CD22: variants seen among roughly 807,000 people sequenced by gnomAD.
CD22 encodes the protein CD22 molecule.
CD22 carries 51 observed loss-of-function variants against 94.7 expected under a neutral mutation model. The ratio of observed to expected loss-of-function variants is 0.54; its 90% CI spans 0.43 to 0.68. CD22 has a LOEUF of 0.68. Among genes scored for constraint, CD22 ranks in the 30% least tolerant of loss-of-function variants. The pLI is 0.00. For synonymous variants in CD22, 424 were observed against 422.5 expected (o/e 1.00, Z -0.04); for missense variants, 931 against 1,060.4 (o/e 0.88, Z 1.69).
At chr19:35,345,332 A>G in intron 11 of CD22, 1 of 585,934 alleles carries the variant, frequency 1.7e-6, no homozygotes, top group Non-Finnish European at 3.0e-6. Flanking sequence ...GAGGCAGGAG[A>G]ATCGCTTGAA....
chr19:35,340,648 G>A (rs149244842), intron 6 of CD22, among the ~76,000 whole-genome samples: 78 of 152,274 alleles, frequency 5.1e-4, no homozygotes, highest in African/African-American at 1.7e-3. Context: ...CTCAGCAGCC[G>A]TCTGGCTTCA....
Position 35,341,033 on chromosome 19 carries a change from G to C in CD22, c.1402G>C (p.Gly468Arg), listed in dbSNP as rs564242435. 1 of 1,614,228 alleles carries C rather than the reference G, an allele frequency of 6.2e-7. No individual in the cohort carries two copies. The highest frequency in any genetic ancestry group is 8.5e-7 in the Non-Finnish European group (1 of 1,180,040). Residue 468 changes from glycine (G) to arginine (R), a missense_variant, in exon 7 of 14, where the codon GGG becomes CGG. By Grantham distance (125) the Gly-to-Arg change is moderately radical. Transcript: ENST00000085219. The surrounding 1 kb of genome is among the most constrained non-coding windows in gnomAD (Gnocchi z 4.0). ...TGGCGCCTGGGAGGAGCCATCGCTT[G>C]GGGTGCTGAAGATCCAAAACGTTGG... is the stretch of plus-strand genomic sequence containing the variant. ...PHGAWEEPSL[G>R]VLKIQNVGWD...
At chr19:35,346,499 G>A in intron 13 of CD22, 67 bp from the exon 14 acceptor site, 7 of 1,554,920 alleles carry the variant, frequency 4.5e-6, no homozygotes, top group Non-Finnish European at 4.4e-6. Flanking sequence ...AGGAGAGAAT[G>A]CGGAGAAAAG....
Position 35,338,026 on chromosome 19 carries a change from G to A in CD22, c.985+5G>A. ...AAGTGTTCCTGCAAGTGCAGTGTGAGCCCCTCGGAGCTGGGGACAGGCCAG... is the reference window on the plus strand; with the variant it reads ...AAGTGTTCCTGCAAGTGCAGTGTGAACCCCTCGGAGCTGGGGACAGGCCAG... On this transcript the variant is annotated splice_donor_5th_base_variant and intron_variant, in intron 5 of 13. Transcript: ENST00000085219. 6.2e-7 allele frequency: 1 copy of A among 1,602,616 alleles called. No individual in the cohort carries two copies. Among genetic ancestry groups the A allele is most frequent in the South Asian group, 1.1e-5 (1 of 89,522 alleles).
At chr19:35,340,025 G>C (rs1425180265) in intron 6 of CD22, among the ~76,000 whole-genome samples, 4 of 152,118 alleles carry the variant, frequency 2.6e-5, no homozygotes, top group Admixed American at 6.5e-5. Context: ...AGTGAATCTT[G>C]TTACCATGTA....
chr19:35,332,116 T>C, intron 2 of CD22, 42 bp downstream of exon 2: 1 of 1,613,080 alleles, frequency 6.2e-7, no homozygotes, highest in East Asian at 2.2e-5. Flanking sequence ...TTCTGGGATG[T>C]CAGTGGGCAC....
At chr19:35,335,904 C>A in intron 3 of CD22, 132 bp from the exon 4 acceptor site, 1 of 715,448 alleles carries the variant, frequency 1.4e-6, no homozygotes, top group Non-Finnish European at 2.4e-6. Flanking sequence ...AAAAACAAAG[C>A]AGGACTGGAG....
chr19:35,341,578 GTCCAAGGCCTGGACAC>G lies in CD22; in HGVS notation c.1745_1760del (p.Ser582LeufsTer14). The stretch of plus-strand genomic sequence containing the variant: ...TGAACAACTCCATAGGACAGACAGC[GTCCAAGGCCTGGACAC>G]TTGAAGTGCTGTGTGAGTGAGGGCC... On this transcript the variant is annotated frameshift_variant, in exon 8 of 14. Transcript: ENST00000085219. LOFTEE classifies it high-confidence loss of function. This position sits in a 1 kb window ranked among gnomAD's most constrained non-coding sequence, Gnocchi z 4.0. The G allele has an allele frequency of 6.2e-7, 1 of 1,613,244 alleles. No individual in the cohort carries two copies. Among genetic ancestry groups the G allele is most frequent in the South Asian group, 1.1e-5 (1 of 91,074 alleles).
intron 6 of CD22, among the ~76,000 whole-genome samples, chr19:35,339,610 C>A (rs1409797984): frequency 1.3e-5 from 2 of 152,166 alleles, no homozygotes; most frequent in Admixed American, 6.5e-5. Flanking sequence ...AATCCCAGCA[C>A]TTTGGGAGGC....
chr19:35,339,909 C>T (rs2066782252), intron 6 of CD22, among the ~76,000 whole-genome samples: 1 of 152,152 alleles, frequency 6.6e-6, no homozygotes, highest in African/African-American at 2.4e-5. Flanking sequence ...GACACAGAGA[C>T]TTAGCGTCCC....
At chr19:35,330,507 T>C in intron 1 of CD22, 1 of 152,418 alleles carries the variant, frequency 6.6e-6, no homozygotes, top group Non-Finnish European at 1.5e-5. Context: ...AATTCATGCT[T>C]AGCCCAGGCC....
chr19:35,341,728 A>G lies in CD22; in HGVS notation c.1798A>G (p.Met600Val). 6.2e-7 allele frequency: 1 copy of G among 1,610,922 alleles called. No homozygotes were observed. The highest frequency in any genetic ancestry group is 8.5e-7 in the Non-Finnish European group (1 of 1,179,982). Reference sequence around the variant, plus strand: ...TGCACCCAGGAGGCTGCGTGTGTCCATGAGCCCGGGGGACCAAGTGATGGA... The same window carrying G: ...TGCACCCAGGAGGCTGCGTGTGTCCGTGAGCCCGGGGGACCAAGTGATGGA... ...LYAPRRLRVS[M>V]SPGDQVMEGK... Residue 600 changes from methionine (M) to valine (V), a missense_variant, in exon 9 of 14, where the codon ATG becomes GTG. Coordinates refer to ENST00000085219, the MANE Select transcript of CD22 (RefSeq NM_001771.4). This position sits in a 1 kb window ranked among gnomAD's most constrained non-coding sequence, Gnocchi z 4.0.
chr19:35,346,838 T>C lies in CD22; in HGVS notation c.*141T>C. 1.3e-6 allele frequency: 1 copy of C among 767,924 alleles called. No individual in the cohort carries two copies. The allele number at this position is 767,924 out of a possible 1,614,324, so 47.6% of individuals were successfully genotyped here. A position where few individuals can be genotyped will look rare whatever the true frequency, so the allele number is the denominator to read the frequency against. Reference sequence around the variant, plus strand: ...CACACGCACACACACACACACACACTCACTGCGGAGAACCTTGTGCCTGGC... The same window carrying C: ...CACACGCACACACACACACACACACCCACTGCGGAGAACCTTGTGCCTGGC... On this transcript the variant is annotated 3_prime_UTR_variant, in exon 14 of 14. Coordinates refer to ENST00000085219, the MANE Select transcript of CD22 (RefSeq NM_001771.4).
Position 35,337,009 on chromosome 19 carries a change from G to A in CD22, c.718+668G>A, listed in dbSNP as rs988151934. Among the ~76,000 whole-genome samples the A allele has an allele frequency of 6.6e-6, 1 of 152,120 alleles. No individual in the cohort carries two copies. The highest frequency in any genetic ancestry group is 1.5e-5 in the Non-Finnish European group (1 of 68,018). ...AATCCTAGCACTTTGGAAGGCCGAG[G>A]CGGGGGGATCACAAGGTCAGGAGAT... is the stretch of plus-strand genomic sequence containing the variant. On this transcript the variant is annotated intron_variant, in intron 4 of 13. Coordinates refer to ENST00000085219, the MANE Select transcript of CD22 (RefSeq NM_001771.4). This position sits in a 1 kb window ranked among gnomAD's most constrained non-coding sequence, Gnocchi z 4.4.
Position 35,345,708 on chromosome 19 carries a change from T to A in CD22, c.2315T>A (p.Ile772Lys). The A allele has an allele frequency of 1.4e-6, 2 of 1,480,364 alleles. No homozygotes were observed. The highest frequency in any genetic ancestry group is 1.9e-6 in the Non-Finnish European group (2 of 1,057,586). 91.7% of individuals were successfully genotyped at this position (1,480,364 alleles called of 1,614,324 possible). ...YTTLRFPEMN[I>K]PRTGDAESSE... is the part of the protein sequence containing the mutation. ...ACCCTGCGCTTTCCCGAGATGAACA[T>A]ACCACGAACTGGGTACTGAGGGTAC... is the stretch of plus-strand genomic sequence containing the variant. The change falls in exon 12 of 14, where the codon ATA (isoleucine) becomes AAA (lysine). Residue 772 changes from isoleucine to lysine, a missense_variant. Physicochemically the swap from Ile to Lys is moderately radical, Grantham distance 102. Transcript: ENST00000085219.
chr19:35,331,461 G>C (rs2066643474), intron 1 of CD22, among the ~76,000 whole-genome samples: 1 of 152,200 alleles, frequency 6.6e-6, no homozygotes, highest in Admixed American at 6.5e-5. Context: ...AAGCAAGCAA[G>C]GGAGGAAGGA....
intron 2 of CD22, 29 bp downstream of exon 2, chr19:35,332,103 G>T: frequency 6.2e-7 from 1 of 1,613,910 alleles, no homozygotes; most frequent in South Asian, 1.1e-5. Context: ...GCTAGTACTG[G>T]GGTTCTGGGA....
Position 35,341,106 on chromosome 19 carries a change from C to T in CD22, c.1475C>T (p.Ser492Leu), listed in dbSNP as rs766149151. The T allele has an allele frequency of 8.7e-6, 14 of 1,614,008 alleles. No individual in the cohort carries two copies. The highest frequency in any genetic ancestry group is 2.2e-5 in the East Asian group (1 of 44,894). ...TGCGCAGCTTGTAATAGTTGGTGCT[C>T]GTGGGCCTCCCCTGTCGCCCTGAAT... The part of the protein sequence containing the change: ...IACAACNSWC[S>L]WASPVALNVQ... Residue 492 changes from serine (S) to leucine (L), a missense_variant, in exon 7 of 14, where the codon TCG (serine) becomes TTG (leucine). Ser to Leu is a moderately radical substitution (Grantham distance 145). Transcript: ENST00000085219. This position sits in a 1 kb window ranked among gnomAD's most constrained non-coding sequence, Gnocchi z 4.0.
chr19:35,341,455 GTTC>G lies in CD22; in HGVS notation c.1625_1627del (p.Phe542del). The G allele has an allele frequency of 6.2e-7, 1 of 1,614,158 alleles. No homozygotes were observed. Among genetic ancestry groups the G allele is most frequent in the Non-Finnish European group, 8.5e-7 (1 of 1,180,024 alleles). On this transcript the variant is annotated inframe_deletion, in exon 8 of 14. Transcript: ENST00000085219. The surrounding 1 kb of genome is among the most constrained non-coding windows in gnomAD (Gnocchi z 4.0). ...CAAGCAGCCACCCCAAAGAAGTCCAGTTCTTCTGGGAGAAAAATGGCAGGCTTC... is the reference window on the plus strand; with the variant it reads ...CAAGCAGCCACCCCAAAGAAGTCCAGTTCTGGGAGAAAAATGGCAGGCTTC...
Sources: allele counts gnomAD v4.1 joint callset (sites outside exome capture counted in the v4.1 genomes callset), GRCh38; gene constraint gnomAD v4.1.1; non-coding constraint Gnocchi (gnomAD v3.1); transcripts MANE v1.5; gene names NCBI Gene and HGNC (gene_info 2026-07-23, HGNC 2026-07-21).